MBD3: variants seen among roughly 807,000 people sequenced by gnomAD.
MBD3 encodes methyl-CpG binding domain protein 3, also known as methyl-CpG-binding domain protein 3.
Under a neutral mutation model 31.2 loss-of-function variants are expected in MBD3, and 13 were observed. That is an observed-to-expected ratio of 0.42 (90% CI 0.27 to 0.66). The LOEUF is 0.66. Ranked by LOEUF, MBD3 falls within the 30% of genes least tolerant of loss-of-function variation. The probability of loss-of-function intolerance (pLI) is 0.26; values close to 1 mark genes in which losing one functional copy is unlikely to be tolerated. For missense variants in MBD3, 440 were observed against 426.5 expected (o/e 1.03, Z -0.28); for synonymous variants, 223 against 187.4 (o/e 1.19, Z -1.55).
At chr19:1,592,434 C>G (rs570001413) in intron 1 of MBD3, 88 bp downstream of exon 1, 7 of 428,610 alleles carry the variant, frequency 1.6e-5, no homozygotes, top group Non-Finnish European at 2.4e-5. Flanking sequence ...GGGCCCAGGC[C>G]GCGGCCCGGG....
At chr19:1,588,531 C>G (rs146666539) in intron 1 of MBD3, among the ~76,000 whole-genome samples, 112 of 152,246 alleles carry the variant, frequency 7.4e-4, no homozygotes, top group Middle Eastern at 3.4e-3. Flanking sequence ...CCTGTAATCA[C>G]AGCACTTTGG....
In MBD3 at chr19:1,575,054, C is replaced by G. The variant is rs1366595017; in HGVS notation, c.*3110G>C. The G allele has an allele frequency of 2.7e-6, 1 of 369,914 alleles. No homozygotes were observed. 22.9% of individuals were successfully genotyped at this position (369,914 alleles called of 1,614,324 possible). A position where few individuals can be genotyped will look rare whatever the true frequency, so the allele number is the denominator to read the frequency against. ...CCACGGGGGTCCTGAGCCTCTCCTC[C>G]CTGGTACCCTCTGTGGCGGCAGCGG... On this transcript the variant is annotated 3_prime_UTR_variant, in exon 7 of 7. Coordinates refer to ENST00000434436, the MANE Select transcript of MBD3 (RefSeq NM_001281453.2).
rs1174311376 is a variant in MBD3 at position 1,574,973 on chromosome 19, A to G, written c.*3191T>C. 3.0e-6 allele frequency: 1 copy of G among 332,912 alleles called. No individual in the cohort carries two copies. The highest frequency in any genetic ancestry group is 6.0e-6 in the Non-Finnish European group (1 of 166,314). 20.6% of individuals were successfully genotyped at this position (332,912 alleles called of 1,614,324 possible). On this transcript the variant is annotated 3_prime_UTR_variant, in exon 7 of 7. Transcript: ENST00000434436. ...ATGCCCCTTAGCTGGTGTTGCTGAG[A>G]CTCGGGAGCCCTGTGGTCCGTGTGG...
intron 1 of MBD3, among the ~76,000 whole-genome samples, chr19:1,591,113 CTGTCACTCAA>C (rs1267192692): frequency 6.6e-6 from 1 of 152,218 alleles, no homozygotes; most frequent in Non-Finnish European, 1.5e-5. Context: ...ACGCCTCTCC[CTGTCACTCAA>C]TGTCACGTCC....
intron 1 of MBD3, among the ~76,000 whole-genome samples, chr19:1,590,456 A>C (rs2060698439): frequency 6.6e-6 from 1 of 152,064 alleles, no homozygotes; most frequent in African/African-American, 2.4e-5. Context: ...GCAAAACCCC[A>C]TCTCTATAAA....
At chr19:1,588,719 C>A (rs2145608520) in intron 1 of MBD3, among the ~76,000 whole-genome samples, 1 of 141,812 alleles carries the variant, frequency 7.1e-6, no homozygotes, top group African/African-American at 2.7e-5. Context: ...GCAGAGGTTG[C>A]AGTGAGCCGA....
intron 1 of MBD3, among the ~76,000 whole-genome samples, chr19:1,587,648 CAA>C (rs916472032): frequency 1.3e-5 from 2 of 152,218 alleles, no homozygotes; most frequent in African/African-American, 4.8e-5. Context: ...CTTACGATCT[CAA>C]GAGATCCTCC....
At chr19:1,583,846 G>A (rs190982395) in intron 3 of MBD3, among the ~76,000 whole-genome samples, 11 of 152,168 alleles carry the variant, frequency 7.2e-5, no homozygotes, top group African/African-American at 1.9e-4. Context: ...TTTTGAGACC[G>A]GGTCTCGCTC....
At chr19:1,580,180 G>A (rs565544379) in intron 5 of MBD3, among the ~76,000 whole-genome samples, 3 of 152,294 alleles carry the variant, frequency 2.0e-5, no homozygotes, top group Non-Finnish European at 4.4e-5. Flanking sequence ...TTCTCTGAGC[G>A]CGCAGAGAGT....
chr19:1,586,512 TTC>T (rs1487862190), intron 1 of MBD3: 1 of 152,552 alleles, frequency 6.6e-6, no homozygotes, highest in South Asian at 2.1e-4. Flanking sequence ...AGGACTTCGT[TTC>T]TCTCTTTCCT....
At position 1,581,564 on chromosome 19, in the gene MBD3, G is replaced by A. The variant is rs530540081; in HGVS notation, c.500-295C>T. 96 of 492,348 alleles carry A rather than the reference G, an allele frequency of 1.9e-4. No homozygotes were observed. The East Asian group carries it at 3.5e-3, about 18-fold the overall frequency. 30.5% of individuals were successfully genotyped at this position (492,348 alleles called of 1,614,324 possible). A position where few individuals can be genotyped will look rare whatever the true frequency, so the allele number is the denominator to read the frequency against. On this transcript the variant is annotated intron_variant, in intron 4 of 6. Coordinates refer to ENST00000434436, the MANE Select transcript of MBD3 (RefSeq NM_001281453.2). ...TTGAGACCAGCCTGGACAACACAGT[G>A]AGACTCCTGTCTCTACAAAATAATT... is the stretch of plus-strand genomic sequence containing the variant.
chr19:1,589,970 G>C (rs534303666), intron 1 of MBD3, among the ~76,000 whole-genome samples: 10 of 152,146 alleles, frequency 6.6e-5, no homozygotes, highest in Non-Finnish European at 1.0e-4. Flanking sequence ...GAATGTTCTG[G>C]AATTAGATAG....
intron 5 of MBD3, among the ~76,000 whole-genome samples, chr19:1,579,038 G>A (rs1443453333): frequency 1.3e-5 from 2 of 151,906 alleles, no homozygotes; most frequent in African/African-American, 4.8e-5. Context: ...ATAAAAATTA[G>A]CTGGGCGTGG....
Position 1,574,978 on chromosome 19 carries a change from G to A in MBD3, c.*3186C>T, listed in dbSNP as rs1320433994. On this transcript the variant is annotated 3_prime_UTR_variant, in exon 7 of 7. Transcript: ENST00000434436. The stretch of plus-strand genomic sequence containing the variant: ...CCTTAGCTGGTGTTGCTGAGACTCG[G>A]GAGCCCTGTGGTCCGTGTGGCTGGG... 2 of 338,474 alleles carry A rather than the reference G, an allele frequency of 5.9e-6. No individual in the cohort carries two copies. Among genetic ancestry groups the A allele is most frequent in the Admixed American group, 7.8e-5 (2 of 25,754 alleles). 21.0% of individuals were successfully genotyped at this position (338,474 alleles called of 1,614,324 possible).
rs530280543 is a variant in MBD3, at chr19:1,586,529, G to T, written c.111-1315C>A. ...GACTTCGTTTCTCTCTTTCCTTTTG[G>T]AGATAGGGTCTCACTCTTGCCCAGG... is the stretch of plus-strand genomic sequence containing the variant. On this transcript the variant is annotated intron_variant, in intron 1 of 6. Coordinates refer to ENST00000434436, the MANE Select transcript of MBD3 (RefSeq NM_001281453.2). Among the ~76,000 whole-genome samples the T allele has an allele frequency of 3.9e-5, 6 of 152,252 alleles. No individual in the cohort carries two copies. In the South Asian group the frequency reaches 1.2e-3, roughly 32 times the overall value.
chr19:1,585,127 C>G lies in MBD3; in HGVS notation c.198G>C (p.Thr66=). ...TCATCTTGCTCATCAGCATCTTGCC[C>G]GTGCGGAAGTCGAAGGTGCTCAGGT... is the stretch of plus-strand genomic sequence containing the variant. ...SMDLSTFDFR[T]GKMLMSKMNK... Residue 66 remains threonine (T), a synonymous_variant, in exon 2 of 7, where the codon ACG becomes ACC. Transcript: ENST00000434436. This position sits in a 1 kb window ranked among gnomAD's most constrained non-coding sequence, Gnocchi z 4.1. 1.2e-6 allele frequency: 2 copies of G among 1,612,292 alleles called. No homozygotes were observed. Among genetic ancestry groups the G allele is most frequent in the South Asian group, 1.1e-5 (1 of 91,070 alleles).
chr19:1,584,392 T>G, intron 3 of MBD3, 148 bp downstream of exon 3: 2 of 1,243,444 alleles, frequency 1.6e-6, no homozygotes, highest in South Asian at 2.5e-5. Context: ...AATTTTTTAC[T>G]TGTTTTTTGC....
In MBD3 at chr19:1,592,771, T is replaced by TCCGCCCC. The variant is rs1369302680; in HGVS notation, c.-147_-141dup. 37 of 80,646 alleles carry TCCGCCCC rather than the reference T, an allele frequency of 4.6e-4. 1 individual carries two copies. Among genetic ancestry groups the TCCGCCCC allele is most frequent in the East Asian group, 3.4e-3 (9 of 2,632 alleles). 5.0% of individuals were successfully genotyped at this position (80,646 alleles called of 1,614,324 possible). ...TGTTCCGGCCCGCGGGCCCCCGCCC[T>TCCGCCCC]CCGCCCCCAGCCGGGCGCGCGCCGG... On this transcript the variant is annotated 5_prime_UTR_variant, in exon 1 of 7. Transcript: ENST00000434436.
At chr19:1,588,169 A>T (rs2060687774) in intron 1 of MBD3, among the ~76,000 whole-genome samples, 2 of 152,206 alleles carry the variant, frequency 1.3e-5, no homozygotes, top group African/African-American at 2.4e-5. Flanking sequence ...GTCCACAAGG[A>T]CACGGGCAGG....
Sources: gnomAD v4.1 joint callset for allele counts (sites outside exome capture counted in the v4.1 genomes callset) on GRCh38, gnomAD v4.1.1 for gene constraint, Gnocchi (gnomAD v3.1) non-coding constraint, MANE v1.5 for transcripts, NCBI Gene and HGNC (gene_info 2026-07-23, HGNC 2026-07-21) for gene names.